The following GBE1 variants were observed in gnomAD, a reference collection of about 807,000 sequenced individuals.
The protein encoded by GBE1 is 1,4-alpha-glucan-branching enzyme.
A neutral mutation model predicts 88.8 loss-of-function variants in GBE1; 70 were observed. The ratio of observed to expected loss-of-function variants is 0.79; its 90% CI spans 0.65 to 0.96. The LOEUF is 0.96. GBE1 is among the 40% of genes least tolerant of loss of function. GBE1 has a pLI of 0.00. For missense variants in GBE1, 872 were observed against 871.0 expected, an observed-to-expected ratio of 1.00 and a Z score of -0.01; for synonymous variants, 284 against 300.1, an observed-to-expected ratio of 0.95 and a Z score of 0.56.
intron 12 of GBE1, among the ~76,000 whole-genome samples, chr3:81,542,362 T>A (rs1305564952): frequency 6.6e-6 from 1 of 152,036 alleles, no homozygotes; most frequent in Non-Finnish European, 1.5e-5. Flanking sequence ...GTCTGATATT[T>A]CCCTAACATA....
At chr3:81,648,662 T>C (rs759454940) in intron 5 of GBE1, among the ~76,000 whole-genome samples, 194 bp downstream of exon 5, 3 of 152,126 alleles carry the variant, frequency 2.0e-5, no homozygotes, top group Non-Finnish European at 4.4e-5. Flanking sequence ...TTAATTCTTA[T>C]GCTCTATCTT....
chr3:81,720,968 G>A (rs1349886939), intron 1 of GBE1, among the ~76,000 whole-genome samples: 7 of 112,764 alleles, frequency 6.2e-5, no homozygotes, highest in Admixed American at 6.2e-4. Flanking sequence ...ACCAAACACC[G>A]CATATTCTCA....
At chr3:81,529,942 C>T (rs1246348293) in intron 14 of GBE1, among the ~76,000 whole-genome samples, 1 of 151,838 alleles carries the variant, frequency 6.6e-6, no homozygotes, top group African/African-American at 2.4e-5. Context: ...CTCTCTCCAT[C>T]CTCTTTAAGG....
intron 10 of GBE1, 28 bp downstream of exon 10, chr3:81,586,064 A>C: frequency 7.2e-7 from 1 of 1,388,630 alleles, no homozygotes; most frequent in East Asian, 2.3e-5. Flanking sequence ...TATTCACAGA[A>C]ACAAAAAATA....
At chr3:81,732,926 C>T (rs1706208756) in intron 1 of GBE1, among the ~76,000 whole-genome samples, 1 of 152,158 alleles carries the variant, frequency 6.6e-6, no homozygotes, top group Non-Finnish European at 1.5e-5. Flanking sequence ...TCCTTTCTTA[C>T]TGCTCTGTCC....
chr3:81,721,216 T>G (rs866971764), intron 1 of GBE1, among the ~76,000 whole-genome samples: 1 of 52,148 alleles, frequency 1.9e-5, no homozygotes, highest in Non-Finnish European at 3.5e-5. Context: ...AATAAATAAA[T>G]AAATAAATAA....
At chr3:81,646,346 T>C in intron 6 of GBE1, 46 bp downstream of exon 6, 1 of 1,201,236 alleles carries the variant, frequency 8.3e-7, no homozygotes, top group Non-Finnish European at 1.2e-6. Flanking sequence ...TTTCTTTAAA[T>C]TATTGGCTCA....
intron 12 of GBE1, among the ~76,000 whole-genome samples, chr3:81,553,219 T>TA (rs1365730890): frequency 6.6e-6 from 1 of 152,232 alleles, no homozygotes; most frequent in Non-Finnish European, 1.5e-5. Context: ...CATATGCTGC[T>TA]ACTATTGGTG....
chr3:81,697,929 C>A (rs927153498), intron 2 of GBE1, among the ~76,000 whole-genome samples: 2 of 150,702 alleles, frequency 1.3e-5, no homozygotes, highest in Non-Finnish European at 3.0e-5. Context: ...TGGATAAAAA[C>A]CTAATATATA....
At chr3:81,761,104 A>G (rs758705260) in intron 1 of GBE1, among the ~76,000 whole-genome samples, 6 of 152,220 alleles carry the variant, frequency 3.9e-5, no homozygotes, top group Non-Finnish European at 8.8e-5. Flanking sequence ...CACGTACCCT[A>G]TGGCGCAAGA....
At chr3:81,681,237 T>A (rs140203425) in intron 2 of GBE1, among the ~76,000 whole-genome samples, 1 of 152,312 alleles carries the variant, frequency 6.6e-6, no homozygotes, top group Admixed American at 6.5e-5. Context: ...AGAATGGCTC[T>A]CAAGTATGTT....
rs189276802 is a variant in GBE1, at chr3:81,724,786, A to C, written c.144-19173T>G. Among the ~76,000 whole-genome samples the C allele has an allele frequency of 2.0e-5, 3 of 152,342 alleles. No homozygotes were observed. In the East Asian group the frequency reaches 5.8e-4, roughly 29 times the overall value. On this transcript the variant is annotated intron_variant, in intron 1 of 15. Coordinates refer to ENST00000429644, the MANE Select transcript of GBE1 (RefSeq NM_000158.4). ...AAAATGCAAATCTAAAATTTGAAAA[A>C]AATAAAAAATGTCTTCATATCTAAG... is the stretch of plus-strand genomic sequence containing the variant.
intron 3 of GBE1, among the ~76,000 whole-genome samples, chr3:81,662,645 A>T (rs1445102785): frequency 6.6e-6 from 1 of 151,650 alleles, no homozygotes; most frequent in African/African-American, 2.4e-5. Flanking sequence ...TCATTTTGCC[A>T]AACATTAACA....
intron 1 of GBE1, among the ~76,000 whole-genome samples, chr3:81,758,500 C>T (rs759312123): frequency 6.6e-6 from 1 of 152,186 alleles, no homozygotes; most frequent in Non-Finnish European, 1.5e-5. Context: ...AAAACAAATC[C>T]TTCATAAGCC....
chr3:81,653,817 G>A (rs1704888811), intron 3 of GBE1, among the ~76,000 whole-genome samples: 1 of 151,510 alleles, frequency 6.6e-6, no homozygotes, highest in Non-Finnish European at 1.5e-5. Flanking sequence ...TTACCTATGG[G>A]TAAGGGGATT....
intron 2 of GBE1, among the ~76,000 whole-genome samples, chr3:81,674,466 A>G (rs568128717): frequency 6.6e-6 from 1 of 151,954 alleles, no homozygotes; most frequent in Admixed American, 6.6e-5. Flanking sequence ...AATTGCAGGA[A>G]CCAATCATGG....
intron 10 of GBE1, 74 bp downstream of exon 10, chr3:81,586,018 C>T: frequency 1.2e-6 from 1 of 838,962 alleles, no homozygotes; most frequent in African/African-American, 1.8e-5. Flanking sequence ...ATGATTACAA[C>T]TAAGAAATAA....
intron 2 of GBE1, among the ~76,000 whole-genome samples, chr3:81,695,905 C>T (rs971053966): frequency 1.3e-5 from 2 of 152,080 alleles, no homozygotes; most frequent in African/African-American, 4.8e-5. Flanking sequence ...AGTAAGATGG[C>T]TAAGTCATTT....
rs77740317 is a variant in GBE1 at position 81,553,164 on chromosome 3, G to A, written c.1619-16069C>T. 4.2e-3 allele frequency among the ~76,000 whole-genome samples: 632 copies of A among 152,244 alleles called. 4 individuals are homozygous for A. The highest frequency in any genetic ancestry group is 7.2e-3 in the Non-Finnish European group (489 of 68,004). ...CTTCCAATTCCACTATCAAATGTAC[G>A]AATGAAGTGTATTTATTACTGACCT... On this transcript the variant is annotated intron_variant, in intron 12 of 15. Coordinates refer to ENST00000429644, the MANE Select transcript of GBE1 (RefSeq NM_000158.4).
Sources: gnomAD v4.1 joint callset for allele counts (sites outside exome capture counted in the v4.1 genomes callset) on GRCh38, gnomAD v4.1.1 for gene constraint, MANE v1.5 for transcripts, NCBI Gene and HGNC (gene_info 2026-07-23, HGNC 2026-07-21) for gene names.